The following RBFOX1 variants were observed in gnomAD, a reference collection of about 807,000 sequenced individuals.
The protein encoded by RBFOX1 is RNA binding fox-1 homolog 1.
A neutral mutation model predicts 57.7 loss-of-function variants in RBFOX1; 8 were observed. The observed-to-expected ratio is 0.14, with a 90% CI of 0.08 to 0.25. The LOEUF (loss-of-function observed/expected upper bound fraction) is 0.25, where lower values mean the gene tolerates loss of function less well. Ranked by LOEUF, RBFOX1 falls within the 10% of genes least tolerant of loss-of-function variation. The pLI, the probability that RBFOX1 is intolerant of heterozygous loss-of-function variation, is 1.00. For synonymous variants in RBFOX1, 326 were observed against 222.4 expected (o/e 1.47, Z -4.15); for missense variants, 611 against 548.5 (o/e 1.11, Z -1.14).
intron 2 of RBFOX1, among the ~76,000 whole-genome samples, chr16:6,344,889 C>T (rs150706068): frequency 0.014 from 2,081 of 151,032 alleles, 47 homozygotes; most frequent in African/African-American, 0.048. Context: ...CGAGGTTTCA[C>T]CAGGTTGGCC....
At chr16:6,222,283 C>G (rs1005758528) in intron 1 of RBFOX1, among the ~76,000 whole-genome samples, 5 of 152,082 alleles carry the variant, frequency 3.3e-5, no homozygotes, top group African/African-American at 1.2e-4. Context: ...TATTTCTGAC[C>G]TTCTTCTATA....
chr16:6,691,522 C>T (rs1303202312), intron 3 of RBFOX1, among the ~76,000 whole-genome samples: 4 of 152,036 alleles, frequency 2.6e-5, no homozygotes, highest in South Asian at 2.1e-4. Context: ...TGAGTAAATG[C>T]GTTTCGCAGG....
At chr16:6,833,273 C>A (rs543396547) in intron 3 of RBFOX1, among the ~76,000 whole-genome samples, 1 of 152,090 alleles carries the variant, frequency 6.6e-6, no homozygotes, top group East Asian at 1.9e-4. Context: ...TGAAGAGATT[C>A]TCCTGCCTCA....
At chr16:5,916,151 C>G (rs992776343) in intron 4 of RBFOX1, among the ~76,000 whole-genome samples, 5 of 152,076 alleles carry the variant, frequency 3.3e-5, no homozygotes, top group African/African-American at 1.2e-4. Flanking sequence ...GGAGACCAAG[C>G]CTGAAAATTC....
intron 3 of RBFOX1, among the ~76,000 whole-genome samples, chr16:5,791,172 T>A (rs1454627356): frequency 6.6e-6 from 1 of 152,128 alleles, no homozygotes; most frequent in Non-Finnish European, 1.5e-5. Flanking sequence ...CTGGCTTTTT[T>A]ATTTTAATTT....
intron 11 of RBFOX1, among the ~76,000 whole-genome samples, chr16:7,641,367 C>T (rs2062760065): frequency 6.6e-6 from 1 of 152,192 alleles, no homozygotes; most frequent in African/African-American, 2.4e-5. Flanking sequence ...GCTTCAAACA[C>T]CATTTTCTTA....
chr16:5,620,423 G>C (rs376988328), intron 3 of RBFOX1, among the ~76,000 whole-genome samples: 1 of 152,220 alleles, frequency 6.6e-6, no homozygotes. Context: ...TGGTTGGCTG[G>C]GGCTGCCATC....
intron 4 of RBFOX1, among the ~76,000 whole-genome samples, chr16:7,472,297 G>C (rs1488529493): frequency 1.4e-5 from 2 of 139,580 alleles, no homozygotes; most frequent in African/African-American, 3.1e-5. Flanking sequence ...GGAGTACCAT[G>C]TATTTACCAA....
chr16:6,607,417 CCTCTCT>C (rs58726712), intron 2 of RBFOX1, among the ~76,000 whole-genome samples: 37 of 144,012 alleles, frequency 2.6e-4, no homozygotes, highest in African/African-American at 7.9e-4. Flanking sequence ...CAGTCTCTCT[CCTCTCT>C]CTCTCTCTCT....
At chr16:5,539,241 C>T (rs1324345856) in intron 2 of RBFOX1, among the ~76,000 whole-genome samples, 1 of 152,096 alleles carries the variant, frequency 6.6e-6, no homozygotes, top group Non-Finnish European at 1.5e-5. Flanking sequence ...TGGGGCTTCA[C>T]AGGAATGCAG....
chr16:7,087,935 A>C (rs556773064), intron 4 of RBFOX1, among the ~76,000 whole-genome samples: 3 of 152,226 alleles, frequency 2.0e-5, no homozygotes, highest in South Asian at 2.1e-4. Context: ...TCTGATTAAT[A>C]AATTGACTTT....
At chr16:5,308,558 C>G (rs368359616) in intron 1 of RBFOX1, among the ~76,000 whole-genome samples, 8 of 152,216 alleles carry the variant, frequency 5.3e-5, no homozygotes, top group African/African-American at 1.9e-4. Context: ...AAACCCATGT[C>G]TCCCCTTCCT....
intron 2 of RBFOX1, among the ~76,000 whole-genome samples, chr16:5,484,182 C>T (rs969081273): frequency 6.6e-5 from 10 of 152,120 alleles, no homozygotes; most frequent in Admixed American, 6.5e-5. Flanking sequence ...AAAATAAAAA[C>T]GAAAACAAAG....
At chr16:5,920,697 G>C (rs1056857462) in intron 4 of RBFOX1, among the ~76,000 whole-genome samples, 1 of 152,166 alleles carries the variant, frequency 6.6e-6, no homozygotes, top group African/African-American at 2.4e-5. Context: ...TAGGATCCTC[G>C]TCCTTGAGAT....
intron 3 of RBFOX1, among the ~76,000 whole-genome samples, chr16:7,029,326 G>C (rs1050399538): frequency 6.1e-5 from 9 of 146,504 alleles, no homozygotes; most frequent in Admixed American, 3.4e-4. Context: ...ATAAAATCAA[G>C]AAGAGCCAGA....
intron 4 of RBFOX1, among the ~76,000 whole-genome samples, chr16:7,158,697 T>G (rs1178680389): frequency 6.6e-6 from 1 of 151,476 alleles, no homozygotes; most frequent in African/African-American, 2.4e-5. Context: ...GTCTGTGTGT[T>G]TGTGTGGTGC....
chr16:6,081,742 T>A (rs1176784458), intron 1 of RBFOX1, among the ~76,000 whole-genome samples: 1 of 152,154 alleles, frequency 6.6e-6, no homozygotes, highest in Admixed American at 6.5e-5. Flanking sequence ...ATAGCAGAAG[T>A]CCCAAGGTTA....
chr16:7,238,285 T>C (rs565979352), intron 4 of RBFOX1, among the ~76,000 whole-genome samples: 6 of 152,208 alleles, frequency 3.9e-5, no homozygotes, highest in Non-Finnish European at 8.8e-5. Context: ...TGTGCAACAC[T>C]GTGAATGTAC....
At chr16:5,692,849 T>C (rs2050731784) in intron 3 of RBFOX1, among the ~76,000 whole-genome samples, 1 of 152,108 alleles carries the variant, frequency 6.6e-6, no homozygotes, top group Admixed American at 6.5e-5. Context: ...AGTGAGACCA[T>C]ACCTGGAAGG....
Sources: gnomAD v4.1 joint callset for allele counts (sites outside exome capture counted in the v4.1 genomes callset) on GRCh38, gnomAD v4.1.1 for gene constraint, MANE v1.5 for transcripts, NCBI Gene and HGNC (gene_info 2026-07-23, HGNC 2026-07-21) for gene names.